The following SLC9A9 variants were observed in gnomAD, a reference collection of about 807,000 sequenced individuals.
The protein encoded by SLC9A9 is sodium/hydrogen exchanger 9.
SLC9A9 carries 62 observed loss-of-function variants against 77.8 expected under a neutral mutation model. The observed-to-expected ratio is 0.80, with a 90% CI of 0.65 to 0.98. SLC9A9 has a LOEUF of 0.98. SLC9A9 is among the 50% of genes least tolerant of loss of function. The pLI is 0.00. For missense variants in SLC9A9, 775 were observed against 774.9 expected (o/e 1.00, Z 0.00); for synonymous variants, 320 against 283.5 (o/e 1.13, Z -1.29).
At chr3:143,591,813 C>T (rs1169413833) in intron 6 of SLC9A9, among the ~76,000 whole-genome samples, 4 of 152,100 alleles carry the variant, frequency 2.6e-5, no homozygotes, top group South Asian at 2.1e-4. Flanking sequence ...TTTTACATAT[C>T]GAGTTGGACA....
intron 12 of SLC9A9, among the ~76,000 whole-genome samples, chr3:143,382,460 C>G (rs778061489): frequency 6.6e-6 from 1 of 152,172 alleles, no homozygotes; most frequent in Non-Finnish European, 1.5e-5. Context: ...CCTGGTACCT[C>G]TGCAACCAAC....
chr3:143,730,647 T>A (rs763696734), intron 4 of SLC9A9, among the ~76,000 whole-genome samples: 1 of 152,240 alleles, frequency 6.6e-6, no homozygotes, highest in Non-Finnish European at 1.5e-5. Context: ...TATTATCATC[T>A]GTTAACAAGG....
intron 14 of SLC9A9, among the ~76,000 whole-genome samples, chr3:143,270,203 C>G (rs16853304): frequency 0.091 from 13,842 of 152,252 alleles, 889 homozygotes; most frequent in East Asian, 0.27. Flanking sequence ...TATTAAAGTT[C>G]AGAGCCTGGT....
At chr3:143,444,137 C>G (rs2034801284) in intron 12 of SLC9A9, among the ~76,000 whole-genome samples, 1 of 152,098 alleles carries the variant, frequency 6.6e-6, no homozygotes, top group Non-Finnish European at 1.5e-5. Context: ...TACTGACTTC[C>G]TAAAAATGCT....
intron 11 of SLC9A9, 132 bp downstream of exon 11, chr3:143,493,521 G>A: frequency 4.0e-6 from 3 of 748,720 alleles, no homozygotes; most frequent in South Asian, 3.1e-5. Context: ...CGGAGAATCA[G>A]CATAGTGTTA....
intron 14 of SLC9A9, among the ~76,000 whole-genome samples, chr3:143,289,194 C>T (rs913403208): frequency 6.6e-6 from 1 of 152,130 alleles, no homozygotes; most frequent in African/African-American, 2.4e-5. Context: ...TTGTCTACAC[C>T]AGCTCTGTTG....
At chr3:143,320,448 C>T (rs1311098730) in intron 14 of SLC9A9, among the ~76,000 whole-genome samples, 2 of 152,190 alleles carry the variant, frequency 1.3e-5, no homozygotes, top group Non-Finnish European at 1.5e-5. Context: ...TTAGTTGGCT[C>T]ATGGTTCTGC....
intron 1 of SLC9A9, among the ~76,000 whole-genome samples, chr3:143,846,163 T>C (rs1041303666): frequency 1.3e-5 from 2 of 152,214 alleles, no homozygotes; most frequent in African/African-American, 2.4e-5. Context: ...TGAATTTTAG[T>C]AGGTTATCAA....
At chr3:143,534,725 T>C (rs2036565364) in intron 9 of SLC9A9, among the ~76,000 whole-genome samples, 1 of 152,186 alleles carries the variant, frequency 6.6e-6, no homozygotes, top group East Asian at 1.9e-4. Flanking sequence ...AAGTGGGTGC[T>C]AGGCTTGATG....
At chr3:143,359,210 T>C (rs999118646) in intron 14 of SLC9A9, among the ~76,000 whole-genome samples, 12 of 152,216 alleles carry the variant, frequency 7.9e-5, no homozygotes, top group African/African-American at 2.9e-4. Context: ...GATTCATTCA[T>C]TCCTTCAACA....
In SLC9A9 at chr3:143,831,967, T is replaced by C. The variant is rs115112249; in HGVS notation, c.378+52A>G. 1.0e-3 allele frequency: 1,576 copies of C among 1,502,214 alleles called. 12 individuals are homozygous for C. In the African/African-American group the frequency reaches 0.019, roughly 19 times the overall value. 93.1% of individuals were successfully genotyped at this position (1,502,214 alleles called of 1,614,324 possible). A position where few individuals can be genotyped will look rare whatever the true frequency, so the allele number is the denominator to read the frequency against. ...AAAAAGTATAAAGGCTCAAATATGA[T>C]ACAATTATTTATACTGTAAAACAAA... On this transcript the variant is annotated intron_variant, in intron 2 of 15. Coordinates refer to ENST00000316549, the MANE Select transcript of SLC9A9 (RefSeq NM_173653.4).
intron 14 of SLC9A9, among the ~76,000 whole-genome samples, chr3:143,288,109 C>T (rs879780288): frequency 4.9e-4 from 75 of 152,078 alleles, no homozygotes; most frequent in Non-Finnish European, 4.4e-4. Context: ...TCCTTCTGAA[C>T]GGAATTGTAG....
intron 1 of SLC9A9, among the ~76,000 whole-genome samples, chr3:143,837,709 T>TC (rs2009604252): frequency 6.6e-6 from 1 of 152,196 alleles, no homozygotes; most frequent in Non-Finnish European, 1.5e-5. Context: ...GTTCTCACTC[T>TC]CCCTGCTGAT....
intron 4 of SLC9A9, among the ~76,000 whole-genome samples, chr3:143,706,845 G>A (rs891507131): frequency 6.6e-6 from 1 of 152,168 alleles, no homozygotes; most frequent in Non-Finnish European, 1.5e-5. Flanking sequence ...GCTATTGTTA[G>A]TGTTACTGTA....
intron 14 of SLC9A9, among the ~76,000 whole-genome samples, chr3:143,362,533 T>C (rs908859955): frequency 6.6e-6 from 1 of 152,150 alleles, no homozygotes; most frequent in Non-Finnish European, 1.5e-5. Flanking sequence ...CCTGTCCATT[T>C]TTACCTCTTT....
chr3:143,673,209 A>C (rs2039186679), intron 5 of SLC9A9, among the ~76,000 whole-genome samples: 1 of 152,166 alleles, frequency 6.6e-6, no homozygotes, highest in Non-Finnish European at 1.5e-5. Flanking sequence ...ACATTTCTCC[A>C]GTGCTTCTAT....
intron 4 of SLC9A9, among the ~76,000 whole-genome samples, chr3:143,784,024 C>G (rs1401674443): frequency 6.6e-6 from 1 of 152,180 alleles, no homozygotes; most frequent in African/African-American, 2.4e-5. Flanking sequence ...ACACAATTGC[C>G]ACTGATAAGA....
At position 143,848,242 on chromosome 3, in the gene SLC9A9, G is replaced by T; in HGVS notation, c.81C>A (p.Phe27Leu). ...AAATGGTAAGGATGAGCAAAAAATT[G>T]AAGACAAGCAGCTCCACCGCTCCCT... ...QHQGAVELLV[F>L]NFLLILTILT... The change falls in exon 1 of 16, where the codon TTC becomes TTA. Residue 27 changes from phenylalanine (F) to leucine (L), a missense_variant. Phe to Leu is a conservative substitution (Grantham distance 22). Transcript: ENST00000316549. 10 of 1,613,954 alleles carry T rather than the reference G, an allele frequency of 6.2e-6. No individual in the cohort carries two copies. Among genetic ancestry groups the T allele is most frequent in the Non-Finnish European group, 7.6e-6 (9 of 1,179,926 alleles).
At chr3:143,788,567 G>A (rs1439789492) in intron 4 of SLC9A9, among the ~76,000 whole-genome samples, 1 of 151,340 alleles carries the variant, frequency 6.6e-6, no homozygotes, top group Non-Finnish European at 1.5e-5. Context: ...GTACATGCCT[G>A]TAAATCCCAG....
Sources: allele counts gnomAD v4.1 joint callset (sites outside exome capture counted in the v4.1 genomes callset), GRCh38; gene constraint gnomAD v4.1.1; transcripts MANE v1.5; gene names NCBI Gene and HGNC (gene_info 2026-07-23, HGNC 2026-07-21).